Variants in SPAG16 observed in about 807,000 individuals in gnomAD.
The protein encoded by SPAG16 is sperm-associated antigen 16 protein.
In SPAG16, 86 loss-of-function variants were observed where a neutral mutation model predicts 80.4. The ratio of observed to expected loss-of-function variants is 1.07; its 90% CI spans 0.90 to 1.28. The LOEUF (loss-of-function observed/expected upper bound fraction) is 1.28, where lower values mean the gene tolerates loss of function less well. SPAG16 is among the 50% of genes most tolerant of loss of function. The pLI is 0.00. For missense variants in SPAG16, 870 were observed against 765.3 expected, an observed-to-expected ratio of 1.14 and a Z score of -1.61; for synonymous variants, 294 against 265.9, an observed-to-expected ratio of 1.11 and a Z score of -1.03.
chr2:213,393,745 T>C (rs559457003), intron 9 of SPAG16, among the ~76,000 whole-genome samples: 13 of 152,092 alleles, frequency 8.5e-5, no homozygotes, highest in Non-Finnish European at 1.8e-4. Flanking sequence ...CTCCTACTAC[T>C]CTATATCTTT....
chr2:214,324,334 T>C (rs1024426840), intron 15 of SPAG16, among the ~76,000 whole-genome samples: 5 of 152,186 alleles, frequency 3.3e-5, no homozygotes, highest in Non-Finnish European at 7.4e-5. Context: ...TTTTTAGTAT[T>C]TCAATATTGA....
Position 213,284,605 on chromosome 2 carries a change from C to T in SPAG16, c.122C>T (p.Ala41Val). The T allele has an allele frequency of 6.2e-7, 1 of 1,609,580 alleles. No homozygotes were observed. The part of the protein sequence containing the change: ...DTADAVAAEG[A>V]YYLEQVTITE... Reference sequence around the variant, plus strand: ...GCGGACGCGGTGGCGGCTGAGGGCGCCTACTACCTGGAACGTATCCTTCCC... The same window carrying T: ...GCGGACGCGGTGGCGGCTGAGGGCGTCTACTACCTGGAACGTATCCTTCCC... The change falls in exon 1 of 16, where the codon GCC becomes GTC. Residue 41 changes from alanine to valine, a missense_variant. By Grantham distance (64) the Ala-to-Val change is moderately conservative. Coordinates refer to ENST00000331683, the MANE Select transcript of SPAG16 (RefSeq NM_024532.5).
At chr2:213,514,221 G>T (rs2075338757) in intron 10 of SPAG16, among the ~76,000 whole-genome samples, 1 of 152,076 alleles carries the variant, frequency 6.6e-6, no homozygotes, top group African/African-American at 2.4e-5. Context: ...TCACATTATG[G>T]TTTATGGAGA....
chr2:213,401,888 T>C (rs1262567943), intron 9 of SPAG16, among the ~76,000 whole-genome samples: 1 of 152,102 alleles, frequency 6.6e-6, no homozygotes, highest in Non-Finnish European at 1.5e-5. Context: ...TCTGAAAAAA[T>C]TTAGCATGCA....
intron 15 of SPAG16, among the ~76,000 whole-genome samples, chr2:214,233,611 G>A (rs913532283): frequency 3.3e-5 from 5 of 152,046 alleles, no homozygotes; most frequent in Non-Finnish European, 5.9e-5. Context: ...GACACATTCT[G>A]TGTATATCAT....
intron 10 of SPAG16, among the ~76,000 whole-genome samples, chr2:213,577,757 G>C (rs1483774419): frequency 2.0e-5 from 3 of 152,230 alleles, no homozygotes; most frequent in East Asian, 3.9e-4. Context: ...TCGGTTATTT[G>C]AGAATGCAAC....
chr2:213,311,899 T>C (rs1210303539), intron 4 of SPAG16, among the ~76,000 whole-genome samples: 1 of 151,532 alleles, frequency 6.6e-6, no homozygotes, highest in African/African-American at 2.4e-5. Flanking sequence ...CTTTGTTAGT[T>C]TGTTAAAATA....
At chr2:213,756,024 G>A (rs1965058) in intron 10 of SPAG16, among the ~76,000 whole-genome samples, 135,462 of 152,198 alleles carry the variant, frequency 0.89, 62,445 homozygotes, top group East Asian at 1. Flanking sequence ...AGATTATGCA[G>A]CTACTTAAAT....
intron 13 of SPAG16, among the ~76,000 whole-genome samples, chr2:214,023,875 A>G (rs990091651): frequency 1.3e-5 from 2 of 151,752 alleles, no homozygotes; most frequent in Non-Finnish European, 1.5e-5. Flanking sequence ...TATCATATTC[A>G]ATAATGGCAT....
At chr2:213,284,738 T>G (rs949091068) in intron 1 of SPAG16, 119 bp downstream of exon 1, 5 of 1,379,676 alleles carry the variant, frequency 3.6e-6, no homozygotes, top group East Asian at 2.5e-5. Flanking sequence ...GAGGAGCCTC[T>G]GTTGGACTTC....
chr2:214,075,656 C>T (rs1427612687), intron 13 of SPAG16, among the ~76,000 whole-genome samples: 4 of 152,126 alleles, frequency 2.6e-5, no homozygotes, highest in South Asian at 2.1e-4. Flanking sequence ...ATGAACCATA[C>T]GTCCTTAACA....
At chr2:213,531,768 T>G (rs2076075498) in intron 10 of SPAG16, among the ~76,000 whole-genome samples, 1 of 152,178 alleles carries the variant, frequency 6.6e-6, no homozygotes, top group Non-Finnish European at 1.5e-5. Context: ...AAAAAGGTCC[T>G]TCTTTTTTAC....
At chr2:214,308,715 C>T (rs1331998025) in intron 15 of SPAG16, among the ~76,000 whole-genome samples, 2 of 151,976 alleles carry the variant, frequency 1.3e-5, no homozygotes, top group East Asian at 3.9e-4. Context: ...AATATTGGCC[C>T]CCATTCTCTT....
At chr2:214,059,467 T>C (rs1210590960) in intron 13 of SPAG16, among the ~76,000 whole-genome samples, 1 of 151,732 alleles carries the variant, frequency 6.6e-6, no homozygotes, top group African/African-American at 2.4e-5. Flanking sequence ...GGGTTTTTGG[T>C]CTTTGTTCTA....
At chr2:214,047,424 C>T (rs566688394) in intron 13 of SPAG16, among the ~76,000 whole-genome samples, 15 of 152,066 alleles carry the variant, frequency 9.9e-5, no homozygotes, top group Admixed American at 2.6e-4. Flanking sequence ...ACAAAAGTGC[C>T]GAGAACACAC....
intron 14 of SPAG16, among the ~76,000 whole-genome samples, chr2:214,142,379 G>C (rs1486767384): frequency 6.6e-6 from 1 of 152,032 alleles, no homozygotes; most frequent in Non-Finnish European, 1.5e-5. Context: ...AATCTATACA[G>C]ATCACTTTTA....
At chr2:213,798,750 TC>T (rs2071199796) in intron 10 of SPAG16, among the ~76,000 whole-genome samples, 1 of 152,210 alleles carries the variant, frequency 6.6e-6, no homozygotes. Flanking sequence ...TATTTAATTT[TC>T]CTGTATGCTG....
intron 9 of SPAG16, among the ~76,000 whole-genome samples, chr2:213,427,348 A>G (rs2070001177): frequency 1.3e-5 from 2 of 152,214 alleles, no homozygotes; most frequent in Admixed American, 1.3e-4. Flanking sequence ...ACAGACGCAC[A>G]GTGATATGAG....
At chr2:214,336,748 A>G (rs565280278) in intron 15 of SPAG16, among the ~76,000 whole-genome samples, 1 of 151,986 alleles carries the variant, frequency 6.6e-6, no homozygotes, top group East Asian at 1.9e-4. Flanking sequence ...GGTTACATAA[A>G]GGAATATCAA....
Sources: gnomAD v4.1 joint callset for allele counts (sites outside exome capture counted in the v4.1 genomes callset) on GRCh38, gnomAD v4.1.1 for gene constraint, MANE v1.5 for transcripts, NCBI Gene and HGNC (gene_info 2026-07-23, HGNC 2026-07-21) for gene names.